BPTF: variants seen among roughly 807,000 people sequenced by gnomAD.
The protein encoded by BPTF is nucleosome-remodeling factor subunit BPTF.
In BPTF, 18 loss-of-function variants were observed where a neutral mutation model predicts 292.5. The ratio of observed to expected loss-of-function variants is 0.06; its 90% CI spans 0.04 to 0.09. The LOEUF (loss-of-function observed/expected upper bound fraction) is 0.09, where lower values mean the gene tolerates loss of function less well. Ranked by LOEUF, BPTF falls within the 10% of genes least tolerant of loss-of-function variation. The probability of loss-of-function intolerance (pLI) is 1.00; values close to 1 mark genes in which losing one functional copy is unlikely to be tolerated. For synonymous variants in BPTF, 1,225 were observed against 1,251.9 expected (o/e 0.98, Z 0.45); for missense variants, 2,726 against 3,498.7 (o/e 0.78, Z 5.57).
intron 26 of BPTF, among the ~76,000 whole-genome samples, chr17:67,969,330 T>G (rs1361518562): frequency 6.7e-6 from 1 of 150,108 alleles, no homozygotes; most frequent in Non-Finnish European, 1.5e-5. Context: ...GGCGGGTGCC[T>G]GTACCCAGCT....
intron 7 of BPTF, among the ~76,000 whole-genome samples, 170 bp downstream of exon 7, chr17:67,894,335 T>C (rs2061308551): frequency 6.6e-6 from 1 of 152,124 alleles, no homozygotes; most frequent in Admixed American, 6.5e-5. Flanking sequence ...ATTAGTTCTT[T>C]CTTTTTTTTT....
chr17:67,874,834 A>G lies in BPTF; in HGVS notation c.1678A>G (p.Ile560Val), dbSNP rs777795424. Residue 560 changes from isoleucine (I) to valine (V), a missense_variant, in exon 4 of 28, where the codon ATA (isoleucine) becomes GTA (valine). Ile to Val is a conservative substitution (Grantham distance 29, BLOSUM62 3). Around this residue, in one of 22 missense-constraint regions of BPTF, gnomAD observed 187 missense variants for 201.5 expected, o/e 0.93. Coordinates refer to ENST00000306378, the MANE Select transcript of BPTF (RefSeq NM_182641.4). ...AAANEEILES[I>V]RAKKGDIDNV... Reference sequence around the variant, plus strand: ...CATTATAGAAGAAATTTTGGAATCCATAAGAGCCAAAAAGGGAGACATTGA... The same window carrying G: ...CATTATAGAAGAAATTTTGGAATCCGTAAGAGCCAAAAAGGGAGACATTGA... 1.9e-5 allele frequency: 30 copies of G among 1,611,664 alleles called. No individual in the cohort carries two copies. Among genetic ancestry groups the G allele is most frequent in the Non-Finnish European group, 2.4e-5 (28 of 1,179,438 alleles).
At chr17:67,895,234 G>A (rs1185266240) in intron 7 of BPTF, among the ~76,000 whole-genome samples, 2 of 149,454 alleles carry the variant, frequency 1.3e-5, no homozygotes, top group Non-Finnish European at 3.0e-5. Context: ...TCGGGAGGCT[G>A]AGGCAGGAGA....
intron 7 of BPTF, among the ~76,000 whole-genome samples, chr17:67,900,980 C>G (rs1460186267): frequency 6.6e-6 from 1 of 151,488 alleles, no homozygotes; most frequent in African/African-American, 2.4e-5. Flanking sequence ...GATTGCGCCA[C>G]TGTACTGCAT....
intron 23 of BPTF, among the ~76,000 whole-genome samples, chr17:67,957,837 C>T (rs2067102820): frequency 6.6e-6 from 1 of 152,100 alleles, no homozygotes; most frequent in Non-Finnish European, 1.5e-5. Context: ...GGCAGGGTGA[C>T]AAAGTGAGAC....
At chr17:67,844,498 T>C (rs1197183318) in intron 1 of BPTF, among the ~76,000 whole-genome samples, 2 of 150,690 alleles carry the variant, frequency 1.3e-5, no homozygotes, top group Admixed American at 6.6e-5. Context: ...CCGCCCGCCT[T>C]GGCCTCCCAA....
intron 26 of BPTF, among the ~76,000 whole-genome samples, chr17:67,966,882 A>G (rs1555687769): frequency 6.6e-6 from 1 of 151,996 alleles, no homozygotes; most frequent in Non-Finnish European, 1.5e-5. Context: ...CAGGCGGATC[A>G]TGAGGTCAGG....
At position 67,854,040 on chromosome 17, in the gene BPTF, G is replaced by A. The variant is rs1192949029; in HGVS notation, c.714G>A (p.Val238=). 2 of 1,614,156 alleles carry A rather than the reference G, an allele frequency of 1.2e-6. No individual in the cohort carries two copies. Among genetic ancestry groups the A allele is most frequent in the South Asian group, 1.1e-5 (1 of 91,088 alleles). ...CCAAGTCCTCTGAGGATTTAATGGT[G>A]CCTAATGAGCATATAATGAATGTCA... ...EFPKSSEDLM[V]PNEHIMNVIA... is the part of the protein sequence containing the mutation. The change falls in exon 2 of 28, where the codon GTG becomes GTA. Residue 238 remains valine (V), a synonymous_variant. Transcript: ENST00000306378. The surrounding 1 kb of genome is among the most constrained non-coding windows in gnomAD (Gnocchi z 5.6).
At chr17:67,954,777 C>A (rs1555680176) in intron 23 of BPTF, among the ~76,000 whole-genome samples, 1 of 152,106 alleles carries the variant, frequency 6.6e-6, no homozygotes, top group Admixed American at 6.5e-5. Context: ...CAAAATCCGT[C>A]CCATGATGTT....
intron 11 of BPTF, among the ~76,000 whole-genome samples, chr17:67,916,747 CAG>C (rs1188808809): frequency 2.5e-5 from 3 of 119,490 alleles, no homozygotes; most frequent in African/African-American, 1.0e-4. Flanking sequence ...GCCTGGGTGA[CAG>C]AGCAATACTC....
intron 27 of BPTF, among the ~76,000 whole-genome samples, chr17:67,978,391 T>C (rs1555695148): frequency 6.6e-6 from 1 of 151,086 alleles, no homozygotes; most frequent in African/African-American, 2.4e-5. Flanking sequence ...ATCTGCCTCC[T>C]GGGTTCAAGC....
rs377016350 is a variant in BPTF, at chr17:67,937,889, C to T, written c.6260-2550C>T. Among the ~76,000 whole-genome samples the T allele has an allele frequency of 7.2e-5, 11 of 152,042 alleles. No homozygotes were observed. In the East Asian group the frequency reaches 2.1e-3, roughly 29 times the overall value. ...CAGCCCTTAGGGAGGCCAAGGCGGGCGGATCACCTGTGGTCAGGAGTTCAA... is the reference window on the plus strand; with the variant it reads ...CAGCCCTTAGGGAGGCCAAGGCGGGTGGATCACCTGTGGTCAGGAGTTCAA... On this transcript the variant is annotated intron_variant, in intron 18 of 27. Transcript: ENST00000306378.
At chr17:67,871,710 G>C (rs188865978) in intron 3 of BPTF, among the ~76,000 whole-genome samples, 5 of 152,094 alleles carry the variant, frequency 3.3e-5, no homozygotes, top group African/African-American at 4.8e-5. Flanking sequence ...TATACTTGTT[G>C]ATAGAATATG....
intron 18 of BPTF, among the ~76,000 whole-genome samples, chr17:67,933,253 C>T (rs1598752023): frequency 2.0e-5 from 3 of 147,506 alleles, no homozygotes; most frequent in Admixed American, 6.8e-5. Context: ...AGTGAGACTC[C>T]GTCTGAAGGA....
Position 67,853,831 on chromosome 17 carries a change from T to G in BPTF, c.614-109T>G, listed in dbSNP as rs530391038. ...CTTCGTATTATTTTAACTTGACAAT[T>G]ATTAAAGAAATGTACTTATGTATTT... is the stretch of plus-strand genomic sequence containing the variant. On this transcript the variant is annotated intron_variant, in intron 1 of 27. Coordinates refer to ENST00000306378, the MANE Select transcript of BPTF (RefSeq NM_182641.4). 10 of 798,016 alleles carry G rather than the reference T, an allele frequency of 1.3e-5. No homozygotes were observed. The South Asian group carries it at 2.1e-4, about 16-fold the overall frequency. The allele number at this position is 798,016 out of a possible 1,614,324, so 49.4% of individuals were successfully genotyped here.
At chr17:67,965,168 C>T (rs1368615251) in intron 25 of BPTF, 1 of 151,688 alleles carries the variant, frequency 6.6e-6, no homozygotes, top group African/African-American at 2.4e-5. Context: ...GATGAAACCC[C>T]ATCTCTCTAC....
rs181364379 is a variant in BPTF at position 67,903,776 on chromosome 17, C to G, written c.2544-13C>G. 249 of 1,522,354 alleles carry G rather than the reference C, an allele frequency of 1.6e-4. 2 individuals are homozygous for G. In the African/African-American group the frequency reaches 2.8e-3, roughly 17 times the overall value. The allele number at this position is 1,522,354 out of a possible 1,614,324, so 94.3% of individuals were successfully genotyped here. On this transcript the variant is annotated splice_polypyrimidine_tract_variant and intron_variant, in intron 7 of 27. Coordinates refer to ENST00000306378, the MANE Select transcript of BPTF (RefSeq NM_182641.4). ...TCCAAGTTAACATTGTCTTTCTATG[C>G]ATGAATTCTTAGGTTACACCGGATG...
intron 3 of BPTF, among the ~76,000 whole-genome samples, chr17:67,871,630 A>G (rs946969872): frequency 3.9e-5 from 6 of 152,162 alleles, no homozygotes; most frequent in Admixed American, 3.9e-4. Context: ...TTTTCTGAGT[A>G]GAGATGGCTT....
chr17:67,853,542 G>A (rs1262250442), intron 1 of BPTF, among the ~76,000 whole-genome samples: 1 of 152,084 alleles, frequency 6.6e-6, no homozygotes, highest in Non-Finnish European at 1.5e-5. Context: ...TATCTTATGT[G>A]TAAATGTTTT....
Sources: allele counts gnomAD v4.1 joint callset (sites outside exome capture counted in the v4.1 genomes callset), GRCh38; gene constraint gnomAD v4.1.1; regional missense constraint gnomAD v4.1.1; non-coding constraint Gnocchi (gnomAD v3.1); transcripts MANE v1.5; gene names NCBI Gene and HGNC (gene_info 2026-07-23, HGNC 2026-07-21).